The following XIRP2 variants were observed in gnomAD, a reference collection of about 807,000 sequenced individuals.
The protein encoded by XIRP2 is xin actin-binding repeat-containing protein 2.
Under a neutral mutation model 277.0 loss-of-function variants are expected in XIRP2, and 236 were observed. The observed-to-expected ratio is 0.85, with a 90% confidence interval of 0.77 to 0.95. The LOEUF is 0.95. Among genes scored for constraint, XIRP2 ranks in the 40% least tolerant of loss-of-function variants. The probability of loss-of-function intolerance (pLI) is 0.00; values close to 1 mark genes in which losing one functional copy is unlikely to be tolerated. For missense variants in XIRP2, 4,640 were observed against 4,157.5 expected (o/e 1.12, Z -3.19); for synonymous variants, 1,490 against 1,416.5 (o/e 1.05, Z -1.17).
At chr2:167,209,981 A>T (rs16853221) in intron 3 of XIRP2, among the ~76,000 whole-genome samples, 13 of 151,878 alleles carry the variant, frequency 8.6e-5, no homozygotes, top group Admixed American at 8.5e-4. Flanking sequence ...CTTTAACACT[A>T]CTTCCAGATA....
chr2:167,044,887 A>C (rs1404863179), intron 2 of XIRP2, among the ~76,000 whole-genome samples: 3 of 152,070 alleles, frequency 2.0e-5, no homozygotes, highest in Non-Finnish European at 4.4e-5. Flanking sequence ...TTTTCACAGA[A>C]TTAGAAAAGC....
intron 3 of XIRP2, among the ~76,000 whole-genome samples, chr2:167,143,084 C>T (rs16853028): frequency 0.1 from 15,615 of 152,104 alleles, 877 homozygotes; most frequent in South Asian, 0.15. Context: ...GAATTCTTTT[C>T]GGTATCAGAG....
chr2:167,094,416 C>T (rs1420720426), intron 2 of XIRP2, among the ~76,000 whole-genome samples: 1 of 152,136 alleles, frequency 6.6e-6, no homozygotes, highest in Admixed American at 6.5e-5. Flanking sequence ...ATGGTATTGC[C>T]TAGGTTTTCT....
At chr2:167,089,122 T>C (rs1183606571) in intron 2 of XIRP2, among the ~76,000 whole-genome samples, 4 of 152,160 alleles carry the variant, frequency 2.6e-5, no homozygotes, top group South Asian at 4.1e-4. Flanking sequence ...TGATGTCAGC[T>C]TCATCCTCAG....
intron 2 of XIRP2, among the ~76,000 whole-genome samples, chr2:167,041,244 C>G (rs991270614): frequency 2.0e-5 from 3 of 152,136 alleles, no homozygotes; most frequent in Non-Finnish European, 2.9e-5. Context: ...GTTCAAGAAC[C>G]CTGGAAATTG....
At chr2:166,935,983 G>A (rs145395073) in intron 2 of XIRP2, among the ~76,000 whole-genome samples, 11 of 152,108 alleles carry the variant, frequency 7.2e-5, no homozygotes, top group African/African-American at 1.4e-4. Flanking sequence ...TTGAGGAATC[G>A]CCATACTGTC....
At chr2:166,907,483 T>C (rs557068791) in intron 2 of XIRP2, among the ~76,000 whole-genome samples, 8 of 152,308 alleles carry the variant, frequency 5.3e-5, no homozygotes, top group African/African-American at 1.7e-4. Context: ...ATGTCACTCA[T>C]GTGTCTATGG....
chr2:167,226,415 T>G lies in XIRP2; in HGVS notation c.858+8115T>G, dbSNP rs576412552. 4.6e-5 allele frequency among the ~76,000 whole-genome samples: 7 copies of G among 152,280 alleles called. No individual in the cohort carries two copies. In the South Asian group the frequency reaches 1.2e-3, roughly 27 times the overall value. ...TGTGGCAGGATCCCATGCTCTTTTT[T>G]GTAGAAATTGAATCAACAGAATTAT... On this transcript the variant is annotated intron_variant, in intron 5 of 10. Transcript: ENST00000409195.
chr2:167,012,633 G>T (rs139123116), intron 2 of XIRP2, among the ~76,000 whole-genome samples: 1 of 151,354 alleles, frequency 6.6e-6, no homozygotes, highest in East Asian at 1.9e-4. Flanking sequence ...ATGTATTCTC[G>T]TCTCTATTTT....
Position 167,246,582 on chromosome 2 carries a change from T to G in XIRP2, c.5190T>G (p.Ser1730=). 1.9e-6 allele frequency: 3 copies of G among 1,613,814 alleles called. No individual in the cohort carries two copies. The highest frequency in any genetic ancestry group is 2.5e-6 in the Non-Finnish European group (3 of 1,179,852). ...CTTCCACATCAAACAATAAAATATC[T>G]GAAAGGGCTAAAATTGATGCCTCTG... The part of the protein sequence containing the change: ...LLSSTSNNKI[S]ERAKIDASER... Residue 1730 remains serine (S), a synonymous_variant, in exon 9 of 11, where the codon TCT becomes TCG. Coordinates refer to ENST00000409195, the MANE Select transcript of XIRP2 (RefSeq NM_152381.6).
chr2:167,236,138 C>T (rs995338025), intron 5 of XIRP2, among the ~76,000 whole-genome samples: 1 of 151,764 alleles, frequency 6.6e-6, no homozygotes, highest in Non-Finnish European at 1.5e-5. Flanking sequence ...TCCGTTTTTT[C>T]CACTCTAGTG....
At chr2:166,953,778 T>G (rs567974323) in intron 2 of XIRP2, among the ~76,000 whole-genome samples, 1 of 152,050 alleles carries the variant, frequency 6.6e-6, no homozygotes, top group East Asian at 1.9e-4. Flanking sequence ...CTGTAGACAT[T>G]CTTAATGATA....
chr2:167,159,847 T>A (rs1692311250), intron 3 of XIRP2, among the ~76,000 whole-genome samples: 1 of 152,184 alleles, frequency 6.6e-6, no homozygotes, highest in Non-Finnish European at 1.5e-5. Flanking sequence ...TAGTTACATC[T>A]TTCATTAAGA....
At chr2:167,140,028 T>A (rs1284164301) in intron 3 of XIRP2, among the ~76,000 whole-genome samples, 1 of 65,110 alleles carries the variant, frequency 1.5e-5, no homozygotes, top group Non-Finnish European at 2.9e-5. Flanking sequence ...TTTATTAAAA[T>A]GTATGTGGAT....
chr2:167,249,981 T>C lies in XIRP2; in HGVS notation c.8589T>C (p.Asp2863=). The C allele has an allele frequency of 1.9e-6, 3 of 1,613,654 alleles. No homozygotes were observed. Among genetic ancestry groups the C allele is most frequent in the Non-Finnish European group, 2.5e-6 (3 of 1,179,714 alleles). The change falls in exon 9 of 11, where the codon GAT becomes GAC. Residue 2863 remains aspartate, a synonymous_variant. Coordinates refer to ENST00000409195, the MANE Select transcript of XIRP2 (RefSeq NM_152381.6). ...VKQKVIDAHL[D]SQTQNFQQTQ... Reference sequence around the variant, plus strand: ...AAAAGGTTATCGATGCACATCTTGATTCACAGACTCAGAATTTTCAGCAAA... The same window carrying C: ...AAAAGGTTATCGATGCACATCTTGACTCACAGACTCAGAATTTTCAGCAAA...
rs779029966 is a variant in XIRP2, at chr2:167,248,822, C to G, written c.7430C>G (p.Thr2477Arg). 5 of 1,613,522 alleles carry G rather than the reference C, an allele frequency of 3.1e-6. No homozygotes were observed. ...MVMTSSEHTE[T>R]KQNVISKSLD... is the part of the protein sequence containing the mutation. ...ATGACCAGCAGTGAACACACGGAGA[C>G]AAAGCAGAACGTTATTAGTAAGAGT... Residue 2477 changes from threonine to arginine, a missense_variant, in exon 9 of 11, where the codon ACA becomes AGA. Physicochemically the swap from Thr to Arg is moderately conservative, Grantham distance 71. Transcript: ENST00000409195.
At chr2:167,089,229 T>C (rs1317668202) in intron 2 of XIRP2, among the ~76,000 whole-genome samples, 1 of 152,170 alleles carries the variant, frequency 6.6e-6, no homozygotes, top group African/African-American at 2.4e-5. Flanking sequence ...TATTAGGGTA[T>C]CACTTTTCCA....
Position 167,240,700 on chromosome 2 carries a change from C to A in XIRP2, c.1006C>A (p.Gln336Lys). 1.2e-6 allele frequency: 2 copies of A among 1,613,798 alleles called. No homozygotes were observed. The highest frequency in any genetic ancestry group is 1.7e-6 in the Non-Finnish European group (2 of 1,179,882). ...HLEKHTEEVNQASQFHQYVQE... is the reference protein window; with the variant it reads ...HLEKHTEEVNKASQFHQYVQE... Reference sequence around the variant, plus strand: ...TGAAAAGCACACCGAGGAAGTAAACCAAGCATCTCAGTTTCATCAATATGT... The same window carrying A: ...TGAAAAGCACACCGAGGAAGTAAACAAAGCATCTCAGTTTCATCAATATGT... Residue 336 changes from glutamine (Q) to lysine (K), a missense_variant, in exon 7 of 11, where the codon CAA becomes AAA. Coordinates refer to ENST00000409195, the MANE Select transcript of XIRP2 (RefSeq NM_152381.6).
At chr2:167,192,882 C>T (rs577190236) in intron 3 of XIRP2, among the ~76,000 whole-genome samples, 1 of 152,222 alleles carries the variant, frequency 6.6e-6, no homozygotes, top group South Asian at 2.1e-4. Context: ...TTGCTCAGAG[C>T]GAGCACAGAA....
Sources: allele counts gnomAD v4.1 joint callset (sites outside exome capture counted in the v4.1 genomes callset), GRCh38; gene constraint gnomAD v4.1.1; transcripts MANE v1.5; gene names NCBI Gene and HGNC (gene_info 2026-07-23, HGNC 2026-07-21).